Variants in OSBPL11 observed in about 807,000 individuals in gnomAD.
The protein encoded by OSBPL11 is oxysterol binding protein like 11, also known as oxysterol-binding protein-related protein 11.
OSBPL11 carries 33 observed loss-of-function variants against 84.4 expected under a neutral mutation model. That is an observed-to-expected ratio of 0.39 (90% CI 0.30 to 0.52). The LOEUF (loss-of-function observed/expected upper bound fraction) is 0.52, where lower values mean the gene tolerates loss of function less well. Ranked by LOEUF, OSBPL11 falls within the 20% of genes least tolerant of loss-of-function variation. OSBPL11 has a pLI of 0.72. For missense variants in OSBPL11, 736 were observed against 901.1 expected (o/e 0.82, Z 2.35); for synonymous variants, 276 against 310.2 (o/e 0.89, Z 1.16).
intron 10 of OSBPL11, 28 bp from the exon 11 acceptor site, chr3:125,538,661 G>C: frequency 6.4e-7 from 1 of 1,566,726 alleles, no homozygotes; most frequent in South Asian, 1.2e-5. Flanking sequence ...AGAAAGATAT[G>C]CTCTAATAAG....
intron 11 of OSBPL11, among the ~76,000 whole-genome samples, chr3:125,534,393 A>T (rs922350995): frequency 6.6e-6 from 1 of 152,070 alleles, no homozygotes; most frequent in Non-Finnish European, 1.5e-5. Flanking sequence ...GTCTTAAAAA[A>T]AAAAAAAGAA....
chr3:125,574,480 GTTTTTTTT>G (rs56689283), intron 5 of OSBPL11, among the ~76,000 whole-genome samples: 3 of 135,364 alleles, frequency 2.2e-5, no homozygotes, highest in African/African-American at 8.1e-5. Context: ...CTGATTAGCA[GTTTTTTTT>G]TTTTTTTTTT....
chr3:125,592,018 T>C (rs1464863928), intron 1 of OSBPL11, among the ~76,000 whole-genome samples: 1 of 151,896 alleles, frequency 6.6e-6, no homozygotes, highest in African/African-American at 2.4e-5. Context: ...AAAAGTTAAA[T>C]TGTAAAACTA....
Position 125,563,852 on chromosome 3 carries a change from G to C in OSBPL11, c.869-9C>G. 6.2e-7 allele frequency: 1 copy of C among 1,609,436 alleles called. No individual in the cohort carries two copies. Among genetic ancestry groups the C allele is most frequent in the Non-Finnish European group, 8.5e-7 (1 of 1,178,884 alleles). ...CCACTCGATTGTCGTTCCTGATGGAGTAAGAGAAAACTTTCGCTGAAACTT... is the reference window on the plus strand; with the variant it reads ...CCACTCGATTGTCGTTCCTGATGGACTAAGAGAAAACTTTCGCTGAAACTT... On this transcript the variant is annotated splice_polypyrimidine_tract_variant and intron_variant, in intron 6 of 12. Transcript: ENST00000296220.
chr3:125,536,775 G>A (rs1935645089), intron 11 of OSBPL11, among the ~76,000 whole-genome samples: 1 of 152,062 alleles, frequency 6.6e-6, no homozygotes, highest in African/African-American at 2.4e-5. Flanking sequence ...AATTTTACAA[G>A]TGCTCTTCCT....
chr3:125,538,429 G>C (rs768259985), intron 11 of OSBPL11, 22 bp downstream of exon 11: 1 of 1,606,200 alleles, frequency 6.2e-7, no homozygotes, highest in Non-Finnish European at 8.5e-7. Flanking sequence ...CTCTTTCCTG[G>C]ATAGATGCAA....
intron 10 of OSBPL11, among the ~76,000 whole-genome samples, chr3:125,540,704 G>T (rs1264986779): frequency 6.6e-6 from 1 of 152,212 alleles, no homozygotes; most frequent in Non-Finnish European, 1.5e-5. Flanking sequence ...CTACCATAGC[G>T]CATCTCTCAA....
intron 5 of OSBPL11, among the ~76,000 whole-genome samples, chr3:125,572,010 A>G (rs904567277): frequency 1.4e-4 from 22 of 152,242 alleles, no homozygotes; most frequent in African/African-American, 5.1e-4. Context: ...CCAGCCCGTG[A>G]AAGCAGCCAG....
chr3:125,561,158 T>C (rs936720331), intron 7 of OSBPL11, among the ~76,000 whole-genome samples: 7 of 151,102 alleles, frequency 4.6e-5, no homozygotes, highest in Middle Eastern at 3.5e-3. Flanking sequence ...CCACCACACC[T>C]GGCTAATTTT....
rs1936110227 is a variant in OSBPL11 at position 125,563,682 on chromosome 3, T to C, written c.1014+16A>G. On this transcript the variant is annotated intron_variant, in intron 7 of 12. Coordinates refer to ENST00000296220, the MANE Select transcript of OSBPL11 (RefSeq NM_022776.5). ...CTAATTTTTCACATCAAAATCATAT[T>C]TTTATATTACCTTACCCTCGCTAAT... 3 of 1,609,192 alleles carry C rather than the reference T, an allele frequency of 1.9e-6. No homozygotes were observed.
chr3:125,546,177 G>GTGT (rs1553732682), intron 10 of OSBPL11, among the ~76,000 whole-genome samples: 12 of 123,034 alleles, frequency 9.8e-5, no homozygotes, highest in African/African-American at 3.9e-4. Flanking sequence ...GTGTGTGTGT[G>GTGT]TTTTTTTTTT....
intron 8 of OSBPL11, among the ~76,000 whole-genome samples, chr3:125,559,941 A>G (rs879485005): frequency 1.1e-4 from 17 of 152,132 alleles, no homozygotes; most frequent in Middle Eastern, 3.4e-3. Context: ...TAAAAAAAAA[A>G]AATCATAAAA....
chr3:125,552,260 CCT>C lies in OSBPL11; in HGVS notation c.1573_1574del (p.Arg525GlufsTer11). 6.2e-7 allele frequency: 1 copy of C among 1,613,988 alleles called. No homozygotes were observed. Among genetic ancestry groups the C allele is most frequent in the Non-Finnish European group, 8.5e-7 (1 of 1,179,996 alleles). The part of the protein sequence containing the change: ...VSGFYAECTE[R>X]KMCVNAHVWT... ...AGACATGCGCATTTACACACATCTT[CCT>C]CTCTGTACATTCTGCATAAAATCCT... On this transcript the variant is annotated frameshift_variant, in exon 9 of 13. Coordinates refer to ENST00000296220, the MANE Select transcript of OSBPL11 (RefSeq NM_022776.5). LOFTEE classifies it high-confidence loss of function.
intron 1 of OSBPL11, among the ~76,000 whole-genome samples, chr3:125,586,901 C>T (rs1936520853): frequency 1.3e-5 from 2 of 152,164 alleles, no homozygotes; most frequent in African/African-American, 4.8e-5. Context: ...AGTTTCAAAT[C>T]CTTTCAACTC....
chr3:125,590,367 T>C (rs1006821787), intron 1 of OSBPL11, among the ~76,000 whole-genome samples: 3 of 152,156 alleles, frequency 2.0e-5, no homozygotes, highest in Admixed American at 2.0e-4. Context: ...CTGGCCAACA[T>C]GGTGAAACCT....
intron 8 of OSBPL11, among the ~76,000 whole-genome samples, chr3:125,559,836 CAGG>C (rs1241467503): frequency 6.6e-6 from 1 of 151,672 alleles, no homozygotes; most frequent in Non-Finnish European, 1.5e-5. Flanking sequence ...CATTTGAGAT[CAGG>C]AGTTCAAGGC....
At chr3:125,583,190 T>C (rs753550623) in intron 1 of OSBPL11, among the ~76,000 whole-genome samples, 58 of 152,056 alleles carry the variant, frequency 3.8e-4, no homozygotes, top group Non-Finnish European at 7.4e-4. Flanking sequence ...ACAAGTACAA[T>C]ACCTCATAAA....
At chr3:125,550,670 AT>A (rs917642107) in intron 9 of OSBPL11, among the ~76,000 whole-genome samples, 2 of 152,000 alleles carry the variant, frequency 1.3e-5, no homozygotes, top group African/African-American at 2.4e-5. Context: ...TAAAAGTGGT[AT>A]TTTTTTCCTA....
chr3:125,589,904 T>C (rs1320774402), intron 1 of OSBPL11, among the ~76,000 whole-genome samples: 1 of 152,226 alleles, frequency 6.6e-6, no homozygotes, highest in East Asian at 1.9e-4. Context: ...TCTGTTAATA[T>C]GATTAGCCAG....
Sources: gnomAD v4.1 joint callset for allele counts (sites outside exome capture counted in the v4.1 genomes callset) on GRCh38, gnomAD v4.1.1 for gene constraint, MANE v1.5 for transcripts, NCBI Gene and HGNC (gene_info 2026-07-23, HGNC 2026-07-21) for gene names.